The following PARN variants were observed in gnomAD, a reference collection of about 807,000 sequenced individuals.
PARN encodes poly(A)-specific ribonuclease PARN.
In PARN, 71 loss-of-function variants were observed where a neutral mutation model predicts 102.8. The ratio of observed to expected loss-of-function variants is 0.69; its 90% CI spans 0.57 to 0.84. The LOEUF is 0.84. Ranked by LOEUF, PARN falls within the 40% of genes least tolerant of loss-of-function variation. The pLI is 0.00. For missense variants in PARN, 782 were observed against 760.9 expected, an observed-to-expected ratio of 1.03 and a Z score of -0.33; for synonymous variants, 261 against 252.9, an observed-to-expected ratio of 1.03 and a Z score of -0.30.
rs1596816795 is a variant in PARN at position 14,601,249 on chromosome 16, C to T, written c.784-1289G>A. Among the ~76,000 whole-genome samples the T allele has an allele frequency of 3.3e-5, 5 of 152,180 alleles. No homozygotes were observed. In the South Asian group the frequency reaches 1.0e-3, roughly 32 times the overall value. ...AATGGATAAACAAAATGTGGTCTAGCCACACAATGGAATATTATTCAGCCT... is the reference window on the plus strand; with the variant it reads ...AATGGATAAACAAAATGTGGTCTAGTCACACAATGGAATATTATTCAGCCT... On this transcript the variant is annotated intron_variant, in intron 11 of 23. Coordinates refer to ENST00000437198, the MANE Select transcript of PARN (RefSeq NM_002582.4).
chr16:14,474,161 TTTTG>T (rs35660085), intron 22 of PARN, among the ~76,000 whole-genome samples: 34 of 151,664 alleles, frequency 2.2e-4, no homozygotes, highest in South Asian at 8.4e-4. Flanking sequence ...CCTGGCTAAT[TTTTG>T]TTTGTTTGTT....
intron 11 of PARN, among the ~76,000 whole-genome samples, chr16:14,603,335 C>T (rs1970990271): frequency 6.6e-6 from 1 of 152,102 alleles, no homozygotes; most frequent in Non-Finnish European, 1.5e-5. Flanking sequence ...ATGCTGTCTC[C>T]CAAAGTGGGT....
intron 18 of PARN, chr16:14,565,115 T>C (rs547648857): frequency 6.6e-6 from 1 of 152,300 alleles, no homozygotes; most frequent in African/African-American, 2.4e-5. Flanking sequence ...AGGCTCATCA[T>C]TATACATATT....
intron 22 of PARN, among the ~76,000 whole-genome samples, chr16:14,467,107 A>C (rs979799694): frequency 3.3e-5 from 5 of 152,214 alleles, no homozygotes; most frequent in African/African-American, 1.2e-4. Flanking sequence ...GGAGAAGTCT[A>C]TTCTAAATTC....
At chr16:14,610,493 T>G (rs1347870248) in intron 7 of PARN, 151 bp downstream of exon 7, 3 of 464,238 alleles carry the variant, frequency 6.5e-6, no homozygotes, top group Non-Finnish European at 1.1e-5. Flanking sequence ...AAAAAAATTT[T>G]TTTTTTAATA....
At chr16:14,596,813 G>A (rs1232849344) in intron 12 of PARN, among the ~76,000 whole-genome samples, 1 of 150,252 alleles carries the variant, frequency 6.7e-6, no homozygotes, top group Non-Finnish European at 1.5e-5. Flanking sequence ...TCGAGACAGG[G>A]TCTCAACTTT....
chr16:14,588,441 A>G (rs1969986686), intron 13 of PARN, among the ~76,000 whole-genome samples: 1 of 152,208 alleles, frequency 6.6e-6, no homozygotes, highest in Admixed American at 6.5e-5. Context: ...GAAGATTACA[A>G]AACTGGCAGT....
intron 21 of PARN, among the ~76,000 whole-genome samples, chr16:14,534,049 C>T (rs532231774): frequency 4.6e-5 from 7 of 151,902 alleles, no homozygotes; most frequent in Non-Finnish European, 7.4e-5. Flanking sequence ...TGGTGAAACC[C>T]CATCTCTCCT....
At chr16:14,590,407 G>A (rs1464460238) in intron 13 of PARN, among the ~76,000 whole-genome samples, 1 of 151,784 alleles carries the variant, frequency 6.6e-6, no homozygotes, top group East Asian at 1.9e-4. Flanking sequence ...GGCGGAGGCG[G>A]GTGGATCACC....
At chr16:14,533,288 CG>C (rs763423843) in intron 21 of PARN, among the ~76,000 whole-genome samples, 4 of 152,260 alleles carry the variant, frequency 2.6e-5, no homozygotes, top group Non-Finnish European at 4.4e-5. Context: ...CGCCTGCAAT[CG>C]CAAGTACTCG....
At chr16:14,532,137 C>G (rs1297125664) in intron 21 of PARN, among the ~76,000 whole-genome samples, 4 of 149,966 alleles carry the variant, frequency 2.7e-5, no homozygotes, top group African/African-American at 9.8e-5. Context: ...ACCAACATGA[C>G]AGCAAAGTTT....
chr16:14,610,580 T>C (rs1192790445), intron 7 of PARN, 64 bp downstream of exon 7: 32 of 964,662 alleles, frequency 3.3e-5, no homozygotes, highest in African/African-American at 4.8e-5. Flanking sequence ...GTTTGAGATA[T>C]AGATGCCTGT....
At position 14,561,562 on chromosome 16, in the gene PARN, A is replaced by C. The variant is rs551849886; in HGVS notation, c.1263-5853T>G. On this transcript the variant is annotated intron_variant, in intron 18 of 23. Transcript: ENST00000437198. ...TCTGTGGCTCATCCCTGTTAATCCCACTGCTTCGGGAGGCAGAAGTGGGAG... is the reference window on the plus strand; with the variant it reads ...TCTGTGGCTCATCCCTGTTAATCCCCCTGCTTCGGGAGGCAGAAGTGGGAG... Among the ~76,000 whole-genome samples the C allele has an allele frequency of 3.9e-5, 6 of 152,326 alleles. No individual in the cohort carries two copies. The East Asian group carries it at 1.2e-3, about 29-fold the overall frequency.
intron 19 of PARN, 26 bp downstream of exon 19, chr16:14,555,603 GACCACACACTTAAATGCACAGATGC>G (rs1288756362): frequency 6.1e-5 from 51 of 841,818 alleles, no homozygotes; most frequent in Non-Finnish European, 9.0e-5. Context: ...ATCCCTTCCA[GACCACACACTTAAATGCACAGATGC>G]AATAAGAAAA....
chr16:14,529,983 C>T (rs1426345660), intron 21 of PARN, among the ~76,000 whole-genome samples: 1 of 151,912 alleles, frequency 6.6e-6, no homozygotes, highest in East Asian at 1.9e-4. Flanking sequence ...TCTCAGCTTC[C>T]AAGAGACCCC....
At chr16:14,551,791 A>C (rs1261697061) in intron 21 of PARN, among the ~76,000 whole-genome samples, 1 of 152,244 alleles carries the variant, frequency 6.6e-6, no homozygotes, top group Admixed American at 6.5e-5. Flanking sequence ...GAGGTAAATG[A>C]AAAAATATAC....
At chr16:14,545,082 G>A (rs1966873535) in intron 21 of PARN, among the ~76,000 whole-genome samples, 2 of 152,136 alleles carry the variant, frequency 1.3e-5, no homozygotes, top group East Asian at 3.8e-4. Context: ...CAGCTACTCA[G>A]GAAGCTGAAG....
intron 22 of PARN, 24 bp from the exon 23 acceptor site, chr16:14,447,105 C>T: frequency 1.3e-6 from 2 of 1,564,464 alleles, no homozygotes; most frequent in Non-Finnish European, 1.8e-6. Flanking sequence ...AGTGGAACAA[C>T]ATAAAAGGTG....
intron 21 of PARN, among the ~76,000 whole-genome samples, chr16:14,531,352 A>T (rs1477873716): frequency 2.1e-5 from 3 of 144,854 alleles, no homozygotes; most frequent in African/African-American, 7.5e-5. Context: ...ACAGCACAAG[A>T]CTCCATCTCA....
Sources: allele counts gnomAD v4.1 joint callset (sites outside exome capture counted in the v4.1 genomes callset), GRCh38; gene constraint gnomAD v4.1.1; transcripts MANE v1.5; gene names NCBI Gene and HGNC (gene_info 2026-07-23, HGNC 2026-07-21).